Variants in LMO1 observed in about 807,000 individuals in gnomAD.
LMO1 encodes the protein LIM domain only 1.
In LMO1, 10 loss-of-function variants were observed where a neutral mutation model predicts 18.0. The observed-to-expected ratio is 0.55, with a 90% confidence interval of 0.34 to 0.94. The LOEUF (loss-of-function observed/expected upper bound fraction) is 0.94, where lower values mean the gene tolerates loss of function less well. Among genes scored for constraint, LMO1 ranks in the 40% least tolerant of loss-of-function variants. LMO1 has a pLI of 0.02. For synonymous variants in LMO1, 77 were observed against 77.9 expected (o/e 0.99, Z 0.06); for missense variants, 183 against 205.7 (o/e 0.89, Z 0.68).
At chr11:8,226,892 C>G in intron 3 of LMO1, 83 bp downstream of exon 3, 3 of 1,510,076 alleles carry the variant, frequency 2.0e-6, no homozygotes, top group Non-Finnish European at 2.7e-6. Flanking sequence ...TGCGTGCACG[C>G]CTCCGCCGTG....
chr11:8,253,162 G>C (rs147992721), intron 1 of LMO1, among the ~76,000 whole-genome samples: 3 of 152,328 alleles, frequency 2.0e-5, no homozygotes, highest in East Asian at 1.9e-4. Flanking sequence ...CTGGGCAGAC[G>C]AGGAAAGTGG....
upstream of LMO1, among the ~76,000 whole-genome samples, chr11:8,268,017 A>G (rs893907361): frequency 2.0e-5 from 3 of 152,224 alleles, no homozygotes; most frequent in Non-Finnish European, 4.4e-5. Flanking sequence ...AGGGTGCGGA[A>G]GGGGAACGTG....
Position 8,230,482 on chromosome 11 carries a change from C to T in LMO1, c.48G>A (p.Gln16=). 1 of 1,613,168 alleles carries T rather than the reference C, an allele frequency of 6.2e-7. No individual in the cohort carries two copies. The part of the protein sequence containing the change: ...KEDGVPMLSV[Q]PKGKQKGCAG... ...CACAGCCCTTCTGCTTCCCTTTGGG[C>T]TGGACGGAGAGCATCGGCACGCCTG... is the stretch of plus-strand genomic sequence containing the variant. Residue 16 remains glutamine (Q), a synonymous_variant, in exon 2 of 4, where the codon CAG becomes CAA. Transcript: ENST00000335790.
At chr11:8,232,266 G>C (rs1952676940) in intron 1 of LMO1, among the ~76,000 whole-genome samples, 1 of 152,166 alleles carries the variant, frequency 6.6e-6, no homozygotes, top group African/African-American at 2.4e-5. Context: ...ATTGGTCTGA[G>C]AGAGGGATGG....
At chr11:8,241,261 A>T (rs425126) in intron 1 of LMO1, among the ~76,000 whole-genome samples, 5 of 150,770 alleles carry the variant, frequency 3.3e-5, no homozygotes, top group Admixed American at 3.3e-4. Context: ...TTCCCTGCCA[A>T]CTCTTGCTCC....
rs575705602 is a variant in LMO1 at position 8,250,811 on chromosome 11, C to T, written c.25+12527G>A. Among the ~76,000 whole-genome samples the T allele has an allele frequency of 2.6e-5, 4 of 152,368 alleles. No individual in the cohort carries two copies. In the South Asian group the frequency reaches 8.3e-4, roughly 32 times the overall value. On this transcript the variant is annotated intron_variant, in intron 1 of 3. Transcript: ENST00000335790. ...ACTCAGCTGAGAAAGGAAGCAGACG[C>T]TTCTCAGTGCCTTAGTTTCCCCAGC...
chr11:8,242,421 G>A (rs190518990), intron 1 of LMO1, among the ~76,000 whole-genome samples: 155 of 152,214 alleles, frequency 1.0e-3, no homozygotes, highest in Non-Finnish European at 1.1e-3. Context: ...GGTCTTTTTG[G>A]CTTACAAAAA....
intron 1 of LMO1, among the ~76,000 whole-genome samples, chr11:8,239,399 G>C (rs1016980719): frequency 6.6e-6 from 1 of 152,226 alleles, no homozygotes. Context: ...GGGCTTCTGG[G>C]CAGAGCCAGC....
upstream of LMO1, among the ~76,000 whole-genome samples, chr11:8,264,155 C>T (rs1050919631): frequency 6.6e-6 from 1 of 152,036 alleles, no homozygotes; most frequent in Non-Finnish European, 1.5e-5. Flanking sequence ...CTTTTCCTTC[C>T]TACCAGTTCT....
chr11:8,235,902 C>G (rs765547434), intron 1 of LMO1, among the ~76,000 whole-genome samples: 9 of 152,240 alleles, frequency 5.9e-5, no homozygotes, highest in Non-Finnish European at 1.2e-4. Context: ...TCACTCTCCT[C>G]AACACATGAG....
intron 1 of LMO1, among the ~76,000 whole-genome samples, chr11:8,259,127 G>C (rs929944651): frequency 1.4e-5 from 2 of 142,098 alleles, no homozygotes; most frequent in African/African-American, 5.3e-5. Flanking sequence ...CTTTTAGCAA[G>C]ACACCGCCAT....
chr11:8,250,264 CT>C (rs1484977450), intron 1 of LMO1, among the ~76,000 whole-genome samples: 1 of 152,194 alleles, frequency 6.6e-6, no homozygotes, highest in Non-Finnish European at 1.5e-5. Flanking sequence ...AGATTTGATT[CT>C]TCTGTCAATT....
intron 1 of LMO1, among the ~76,000 whole-genome samples, chr11:8,258,275 C>T (rs1366747352): frequency 6.6e-6 from 1 of 152,222 alleles, no homozygotes; most frequent in Non-Finnish European, 1.5e-5. Context: ...GATCCAACAA[C>T]AGCCTTGGCC....
intron 1 of LMO1, among the ~76,000 whole-genome samples, chr11:8,251,536 C>T (rs376788396): frequency 7.2e-5 from 11 of 152,308 alleles, no homozygotes; most frequent in Admixed American, 1.3e-4. Context: ...ATCATCCCTG[C>T]GGACTGAGAA....
intron 1 of LMO1, among the ~76,000 whole-genome samples, chr11:8,251,847 G>A (rs1391646389): frequency 7.9e-6 from 1 of 127,368 alleles, no homozygotes; most frequent in African/African-American, 3.2e-5. Context: ...TGTGGTGGGT[G>A]TGCGTGTGTG....
chr11:8,241,189 T>A (rs1446703174), intron 1 of LMO1, among the ~76,000 whole-genome samples: 1 of 152,114 alleles, frequency 6.6e-6, no homozygotes, highest in Non-Finnish European at 1.5e-5. Flanking sequence ...CACACTATCA[T>A]CCACCCAGCA....
intron 1 of LMO1, among the ~76,000 whole-genome samples, chr11:8,240,597 C>G (rs1205332475): frequency 6.6e-6 from 1 of 151,980 alleles, no homozygotes; most frequent in Non-Finnish European, 1.5e-5. Context: ...AGAGTTGCTT[C>G]TTGGATCATT....
chr11:8,252,810 G>A (rs969510490), intron 1 of LMO1, among the ~76,000 whole-genome samples: 1 of 152,260 alleles, frequency 6.6e-6, no homozygotes, highest in Non-Finnish European at 1.5e-5. Context: ...CACAGTCTGA[G>A]AGAAATCCCG....
At position 8,263,253 on chromosome 11, in the gene LMO1, G is replaced by T. The variant is rs2134592052; in HGVS notation, c.25+85C>A. 9 of 1,418,040 alleles carry T rather than the reference G, an allele frequency of 6.3e-6. No homozygotes were observed. The East Asian group carries it at 1.3e-4, about 20-fold the overall frequency. 87.8% of individuals were successfully genotyped at this position (1,418,040 alleles called of 1,614,324 possible). A position where few individuals can be genotyped will look rare whatever the true frequency, so the allele number is the denominator to read the frequency against. ...TCCCCGCACAGCCCAGCAGGTGTGC[G>T]CCCGTGTCCCCGCGTGTGTGTGCCT... On this transcript the variant is annotated intron_variant, in intron 1 of 3. Transcript: ENST00000335790.
Sources: allele counts gnomAD v4.1 joint callset (sites outside exome capture counted in the v4.1 genomes callset), GRCh38; gene constraint gnomAD v4.1.1; transcripts MANE v1.5; gene names NCBI Gene and HGNC (gene_info 2026-07-23, HGNC 2026-07-21).